The following MCTP1 variants were observed in gnomAD, a reference collection of about 807,000 sequenced individuals.
MCTP1 encodes multiple C2 and transmembrane domain containing 1, also known as multiple C2 and transmembrane domain-containing protein 1.
MCTP1 carries 69 observed loss-of-function variants against 120.6 expected under a neutral mutation model. That is an observed-to-expected ratio of 0.57 (90% confidence interval 0.47 to 0.70). The LOEUF (loss-of-function observed/expected upper bound fraction) is 0.70, where lower values mean the gene tolerates loss of function less well. Ranked by LOEUF, MCTP1 falls within the 30% of genes least tolerant of loss-of-function variation. The probability of loss-of-function intolerance (pLI) is 0.00; values close to 1 mark genes in which losing one functional copy is unlikely to be tolerated. For missense variants in MCTP1, 1,203 were observed against 1,248.8 expected, an observed-to-expected ratio of 0.96 and a Z score of 0.55; for synonymous variants, 529 against 493.1, an observed-to-expected ratio of 1.07 and a Z score of -0.96.
intron 1 of MCTP1, among the ~76,000 whole-genome samples, chr5:95,033,532 T>C (rs186854412): frequency 2.0e-5 from 3 of 152,082 alleles, no homozygotes; most frequent in Admixed American, 2.0e-4. Flanking sequence ...CAACATTTTT[T>C]CATGATAAAA....
chr5:95,138,674 C>T (rs1223303477), intron 1 of MCTP1, among the ~76,000 whole-genome samples: 2 of 151,722 alleles, frequency 1.3e-5, no homozygotes, highest in Non-Finnish European at 2.9e-5. Flanking sequence ...ATGTGAGCCG[C>T]CGTCCCTCCA....
intron 3 of MCTP1, among the ~76,000 whole-genome samples, chr5:94,949,002 G>A (rs895491309): frequency 6.6e-6 from 1 of 152,040 alleles, no homozygotes; most frequent in Non-Finnish European, 1.5e-5. Flanking sequence ...TTAAGGAAAT[G>A]TCCAATTTTT....
At chr5:94,894,954 A>T (rs1803589852) in intron 10 of MCTP1, 119 bp from the exon 11 acceptor site, 1 of 618,208 alleles carries the variant, frequency 1.6e-6, no homozygotes, top group Non-Finnish European at 2.7e-6. Context: ...CCATTGGAAG[A>T]ATACATCTTT....
chr5:94,721,896 A>C (rs993853886), intron 19 of MCTP1, among the ~76,000 whole-genome samples: 10 of 151,166 alleles, frequency 6.6e-5, no homozygotes, highest in African/African-American at 2.4e-4. Context: ...TGAAAAAAAA[A>C]AAATATCCAC....
At chr5:95,144,896 A>T (rs1392694115) in intron 1 of MCTP1, among the ~76,000 whole-genome samples, 2 of 152,096 alleles carry the variant, frequency 1.3e-5, no homozygotes, top group African/African-American at 4.8e-5. Context: ...TTGGTTCCAT[A>T]TGAATTTTGG....
At chr5:95,186,781 A>G (rs1421439352) in intron 1 of MCTP1, among the ~76,000 whole-genome samples, 3 of 152,216 alleles carry the variant, frequency 2.0e-5, no homozygotes, top group Non-Finnish European at 4.4e-5. Flanking sequence ...TCAAGACAGT[A>G]TGGTAGTGTT....
intron 1 of MCTP1, among the ~76,000 whole-genome samples, chr5:95,183,393 A>G (rs1255285955): frequency 6.6e-6 from 1 of 151,282 alleles, no homozygotes; most frequent in East Asian, 1.9e-4. Flanking sequence ...TTTAAAATAA[A>G]TATAATTTAT....
chr5:94,870,856 C>G lies in MCTP1; in HGVS notation c.2241+16G>C, dbSNP rs374661419. On this transcript the variant is annotated intron_variant, in intron 15 of 22. Transcript: ENST00000515393. Reference sequence around the variant, plus strand: ...GAACTCTTTAGCAGTACAAAAAAGCCAAAGTTAAGACTTACAGCATTAAAA... The same window carrying G: ...GAACTCTTTAGCAGTACAAAAAAGCGAAAGTTAAGACTTACAGCATTAAAA... 3.8e-6 allele frequency: 6 copies of G among 1,576,630 alleles called. No individual in the cohort carries two copies. Among genetic ancestry groups the G allele is most frequent in the Non-Finnish European group, 4.4e-6 (5 of 1,146,408 alleles).
rs115228103 is a variant in MCTP1 at position 95,253,753 on chromosome 5, A to C, written c.720+30103T>G. Among the ~76,000 whole-genome samples the C allele has an allele frequency of 3.8e-3, 575 of 152,248 alleles. 5 individuals are homozygous for C. The highest frequency in any genetic ancestry group is 0.012 in the African/African-American group (499 of 41,574). ...ATTAAAGTTTCTGATAAGATGTTTC[A>C]TTTCATTACATATGAATCCTAGTGG... is the stretch of plus-strand genomic sequence containing the variant. On this transcript the variant is annotated intron_variant, in intron 1 of 22. Transcript: ENST00000515393.
intron 1 of MCTP1, among the ~76,000 whole-genome samples, chr5:95,161,202 C>G (rs898643607): frequency 6.6e-6 from 1 of 152,102 alleles, no homozygotes; most frequent in African/African-American, 2.4e-5. Flanking sequence ...AGGTGTCCAT[C>G]ATCAGATGCA....
At chr5:95,184,118 G>C (rs1040552550) in intron 1 of MCTP1, among the ~76,000 whole-genome samples, 1 of 151,876 alleles carries the variant, frequency 6.6e-6, no homozygotes, top group African/African-American at 2.4e-5. Flanking sequence ...TAACAAACCT[G>C]TACGTTCTGC....
chr5:95,284,084 G>A lies in MCTP1; in HGVS notation c.492C>T (p.Ser164=). 1 of 1,550,522 alleles carries A rather than the reference G, an allele frequency of 6.4e-7. No homozygotes were observed. Among genetic ancestry groups the A allele is most frequent in the Non-Finnish European group, 8.7e-7 (1 of 1,146,788 alleles). ...GAGGCTGGGGCGAGGAGGACAGGGA[G>A]GATGAGGCGGAGGAAGAGGAAGGAG... The part of the protein sequence containing the change: ...DSAPSSSSAS[S]SLSSSPQPPP... Residue 164 remains serine, a synonymous_variant, in exon 1 of 23, where the codon TCC becomes TCT. Coordinates refer to ENST00000515393, the MANE Select transcript of MCTP1 (RefSeq NM_024717.7). The surrounding 1 kb of genome is among the most constrained non-coding windows in gnomAD (Gnocchi z 5.2).
At chr5:95,242,280 C>T (rs1382409584) in intron 1 of MCTP1, among the ~76,000 whole-genome samples, 2 of 151,888 alleles carry the variant, frequency 1.3e-5, no homozygotes, top group Non-Finnish European at 2.9e-5. Flanking sequence ...AATAAAAATA[C>T]AAAGTGGAAA....
At chr5:94,757,700 T>C (rs934593333) in intron 19 of MCTP1, among the ~76,000 whole-genome samples, 8 of 152,188 alleles carry the variant, frequency 5.3e-5, no homozygotes, top group Non-Finnish European at 8.8e-5. Context: ...ACAGCTAGCA[T>C]AGTGCTTTGA....
chr5:95,079,957 C>T (rs1754503045), intron 1 of MCTP1, among the ~76,000 whole-genome samples: 1 of 151,944 alleles, frequency 6.6e-6, no homozygotes, highest in African/African-American at 2.4e-5. Context: ...TTTTTCTCTT[C>T]TCATAGCCTA....
At chr5:95,199,340 A>T (rs1238100442) in intron 1 of MCTP1, among the ~76,000 whole-genome samples, 1 of 152,214 alleles carries the variant, frequency 6.6e-6, no homozygotes, top group African/African-American at 2.4e-5. Flanking sequence ...CAGAATACAT[A>T]TGATAAAGGC....
intron 19 of MCTP1, among the ~76,000 whole-genome samples, chr5:94,719,673 G>A (rs539408822): frequency 3.9e-5 from 6 of 152,228 alleles, no homozygotes; most frequent in Admixed American, 1.3e-4. Context: ...GGTGGTGTGC[G>A]GGGAGCAATG....
intron 14 of MCTP1, 34 bp downstream of exon 14, chr5:94,871,281 A>G (rs747562796): frequency 1.6e-6 from 2 of 1,279,082 alleles, no homozygotes; most frequent in South Asian, 1.2e-5. Context: ...AGCAAAAGCA[A>G]CACAGAACAG....
intron 1 of MCTP1, among the ~76,000 whole-genome samples, chr5:95,261,707 C>G (rs1758484876): frequency 6.6e-6 from 1 of 152,236 alleles, no homozygotes; most frequent in Admixed American, 6.5e-5. Flanking sequence ...CTAAAATTTA[C>G]AGATCTCTTC....
Sources: gnomAD v4.1 joint callset for allele counts (sites outside exome capture counted in the v4.1 genomes callset) on GRCh38, gnomAD v4.1.1 for gene constraint, Gnocchi (gnomAD v3.1) non-coding constraint, MANE v1.5 for transcripts, NCBI Gene and HGNC (gene_info 2026-07-23, HGNC 2026-07-21) for gene names.